IGF1: variants seen among roughly 807,000 people sequenced by gnomAD.
IGF1 encodes the protein insulin-like growth factor 1.
In IGF1, 4 loss-of-function variants were observed where a neutral mutation model predicts 13.8. The ratio of observed to expected loss-of-function variants is 0.29; its 90% confidence interval spans 0.14 to 0.66. The LOEUF (loss-of-function observed/expected upper bound fraction) is 0.66. IGF1 is among the 30% of genes least tolerant of loss of function. The probability of loss-of-function intolerance (pLI) is 0.78; values close to 1 mark genes in which losing one functional copy is unlikely to be tolerated. For synonymous variants in IGF1, 76 were observed against 72.6 expected, an observed-to-expected ratio of 1.05 and a Z score of -0.23; for missense variants, 124 against 188.5, an observed-to-expected ratio of 0.66 and a Z score of 2.00.
chr12:102,452,078 C>T lies in IGF1; in HGVS notation c.220+23565G>A, dbSNP rs1013678329. Among the ~76,000 whole-genome samples the T allele has an allele frequency of 5.3e-5, 8 of 151,776 alleles. No homozygotes were observed. The South Asian group carries it at 6.2e-4, about 12-fold the overall frequency. ...AAGATCAAGACCATCCTGGCTAACA[C>T]GGTGAAACCCCGTCTCTACTAAAAA... On this transcript the variant is annotated intron_variant, in intron 2 of 3. Coordinates refer to ENST00000337514, the MANE Select transcript of IGF1 (RefSeq NM_000618.5).
intron 3 of IGF1, among the ~76,000 whole-genome samples, chr12:102,416,190 C>A (rs555725708): frequency 6.6e-6 from 1 of 152,332 alleles, no homozygotes; most frequent in Non-Finnish European, 1.5e-5. Flanking sequence ...AAATGCTTCA[C>A]TTCTGGGTTA....
chr12:102,409,847 T>TAATC (rs991009645), intron 3 of IGF1, among the ~76,000 whole-genome samples: 6 of 152,274 alleles, frequency 3.9e-5, no homozygotes, highest in African/African-American at 1.4e-4. Context: ...GGCAAGTACC[T>TAATC]AATCAATATC....
intron 3 of IGF1, among the ~76,000 whole-genome samples, chr12:102,404,795 T>A (rs1037772922): frequency 6.0e-5 from 9 of 150,704 alleles, no homozygotes; most frequent in Admixed American, 2.0e-4. Context: ...TCTCGCTCTG[T>A]CACCCAGGCT....
intron 3 of IGF1, among the ~76,000 whole-genome samples, chr12:102,409,791 T>C (rs937091240): frequency 6.6e-6 from 1 of 152,242 alleles, no homozygotes; most frequent in Admixed American, 6.5e-5. Context: ...TCTGCAAGCT[T>C]CATGTGAAGA....
At chr12:102,450,153 C>T (rs924636255) in intron 2 of IGF1, among the ~76,000 whole-genome samples, 1 of 152,272 alleles carries the variant, frequency 6.6e-6, no homozygotes, top group African/African-American at 2.4e-5. Context: ...GCTTTCTTCC[C>T]AGGGTTTTTA....
chr12:102,454,713 G>C (rs562582543), intron 2 of IGF1, among the ~76,000 whole-genome samples: 1 of 152,338 alleles, frequency 6.6e-6, no homozygotes, highest in African/African-American at 2.4e-5. Context: ...TGTAAGATTC[G>C]CCATGAAGGG....
intron 2 of IGF1, among the ~76,000 whole-genome samples, chr12:102,464,514 T>G (rs1880160200): frequency 6.7e-6 from 1 of 150,018 alleles, no homozygotes; most frequent in Non-Finnish European, 1.5e-5. Context: ...TTAGTCTGTG[T>G]TCTTCTGAAA....
At chr12:102,463,494 A>T (rs1039763137) in intron 2 of IGF1, 2 of 152,118 alleles carry the variant, frequency 1.3e-5, no homozygotes, top group African/African-American at 4.8e-5. Flanking sequence ...TTTTTCCTTT[A>T]TTTCTTTTGT....
At chr12:102,426,265 C>T (rs934205023) in intron 2 of IGF1, among the ~76,000 whole-genome samples, 3 of 152,124 alleles carry the variant, frequency 2.0e-5, no homozygotes, top group African/African-American at 4.8e-5. Flanking sequence ...TTCAGGTCCT[C>T]ATATGTAAAA....
chr12:102,432,678 C>A (rs1305716574), intron 2 of IGF1, among the ~76,000 whole-genome samples: 1 of 152,154 alleles, frequency 6.6e-6, no homozygotes, highest in Admixed American at 6.5e-5. Flanking sequence ...GTAACCAAGA[C>A]TTGAGTTTGG....
rs17881697 is a variant in IGF1, at chr12:102,465,527, G to T, written c.220+10116C>A. The stretch of plus-strand genomic sequence containing the variant: ...CTGTGATAGGACTCAGATAGGAAAG[G>T]CACAAGAAAAAAGGAGAAAAATTTG... On this transcript the variant is annotated intron_variant, in intron 2 of 3. Coordinates refer to ENST00000337514, the MANE Select transcript of IGF1 (RefSeq NM_000618.5). Among the ~76,000 whole-genome samples the T allele has an allele frequency of 4.7e-3, 714 of 152,286 alleles. 20 individuals carry two copies. Among genetic ancestry groups the T allele is most frequent in the Admixed American group, 0.041 (629 of 15,290 alleles).
rs1254879038 is a variant in IGF1 at position 102,401,933 on chromosome 12, G to A, written c.*574C>T. The A allele has an allele frequency of 6.6e-6, 1 of 152,622 alleles. No individual in the cohort carries two copies. The highest frequency in any genetic ancestry group is 2.4e-5 in the African/African-American group (1 of 41,444). 9.5% of individuals were successfully genotyped at this position (152,622 alleles called of 1,614,324 possible). Reference sequence around the variant, plus strand: ...AAATGCCACAGATGGAATCTTGTGGGTTAGAATTGGTGTGCTTCTTGACGA... The same window carrying A: ...AAATGCCACAGATGGAATCTTGTGGATTAGAATTGGTGTGCTTCTTGACGA... On this transcript the variant is annotated 3_prime_UTR_variant, in exon 4 of 4. Transcript: ENST00000337514.
chr12:102,468,593 T>C (rs934554077), intron 2 of IGF1, among the ~76,000 whole-genome samples: 3 of 152,208 alleles, frequency 2.0e-5, no homozygotes, highest in Admixed American at 1.3e-4. Flanking sequence ...CATGATCTCA[T>C]GTATAGATAA....
In IGF1 at chr12:102,401,516, T is replaced by C. The variant is rs1037245315; in HGVS notation, c.*991A>G. ...TTTCAGTACCCTTCCCCTTGTGTCA[T>C]CTTTGGCTCCAGGCTTCCCCTATTG... On this transcript the variant is annotated 3_prime_UTR_variant, in exon 4 of 4. Transcript: ENST00000337514. 7 of 152,644 alleles carry C rather than the reference T, an allele frequency of 4.6e-5. No individual in the cohort carries two copies. The highest frequency in any genetic ancestry group is 1.7e-4 in the African/African-American group (7 of 41,448). The allele number at this position is 152,644 out of a possible 1,614,324, so 9.5% of individuals were successfully genotyped here. A position where few individuals can be genotyped will look rare whatever the true frequency, so the allele number is the denominator to read the frequency against.
chr12:102,441,929 T>C (rs1189889161), intron 2 of IGF1, among the ~76,000 whole-genome samples: 40 of 129,290 alleles, frequency 3.1e-4, no homozygotes, highest in Middle Eastern at 3.7e-3. Flanking sequence ...CTTCTTCTTC[T>C]TCTTCTTCTT....
intron 2 of IGF1, among the ~76,000 whole-genome samples, chr12:102,436,050 C>T (rs1298798447): frequency 5.9e-5 from 9 of 152,198 alleles, no homozygotes; most frequent in Non-Finnish European, 1.2e-4. Flanking sequence ...CTTCATATCT[C>T]TTGTGATAAT....
intron 2 of IGF1, among the ~76,000 whole-genome samples, chr12:102,421,953 T>G (rs1243523334): frequency 1.3e-5 from 2 of 152,218 alleles, no homozygotes; most frequent in Non-Finnish European, 2.9e-5. Context: ...TCTTGGTGAC[T>G]GTAAACAACC....
chr12:102,439,203 G>A lies in IGF1; in HGVS notation c.221-19513C>T, dbSNP rs536465794. On this transcript the variant is annotated intron_variant, in intron 2 of 3. Coordinates refer to ENST00000337514, the MANE Select transcript of IGF1 (RefSeq NM_000618.5). ...TTCAAAAGATGTTTCATGAATAAAT[G>A]AATGGAGAAGGGGTGGCCTGCATTT... Among the ~76,000 whole-genome samples the A allele has an allele frequency of 1.4e-4, 22 of 152,334 alleles. No homozygotes were observed. The South Asian group carries it at 4.6e-3, about 32-fold the overall frequency.
chr12:102,412,587 G>T (rs2136971469), intron 3 of IGF1, among the ~76,000 whole-genome samples: 1 of 152,142 alleles, frequency 6.6e-6, no homozygotes, highest in Middle Eastern at 3.4e-3. Flanking sequence ...TTAGCTTCTT[G>T]ACCAATGGTT....
Sources: gnomAD v4.1 joint callset for allele counts (sites outside exome capture counted in the v4.1 genomes callset) on GRCh38, gnomAD v4.1.1 for gene constraint, MANE v1.5 for transcripts, NCBI Gene and HGNC (gene_info 2026-07-23, HGNC 2026-07-21) for gene names.